The following SOD2 variants were observed in gnomAD, a reference collection of about 807,000 sequenced individuals.
SOD2 encodes superoxide dismutase 2, also known as superoxide dismutase [Mn], mitochondrial.
Under a neutral mutation model 27.0 loss-of-function variants are expected in SOD2, and 11 were observed. That is an observed-to-expected ratio of 0.41 (90% CI 0.26 to 0.67). SOD2 has a LOEUF of 0.67. SOD2 is among the 30% of genes least tolerant of loss of function. The pLI, the probability that SOD2 is intolerant of heterozygous loss-of-function variation, is 0.34. For synonymous variants in SOD2, 105 were observed against 103.0 expected (o/e 1.02, Z -0.12); for missense variants, 250 against 274.5 (o/e 0.91, Z 0.63).
chr6:159,716,665 A>C (rs532864767), intron 1 of SOD2, among the ~76,000 whole-genome samples: 2 of 152,226 alleles, frequency 1.3e-5, no homozygotes, highest in African/African-American at 4.8e-5. Context: ...GGGAGGGGGC[A>C]GTATTGAAAA....
At chr6:159,746,157 T>G (rs919713988), upstream of SOD2, among the ~76,000 whole-genome samples, 3 of 152,212 alleles carry the variant, frequency 2.0e-5, no homozygotes, top group Non-Finnish European at 4.4e-5. Flanking sequence ...ATTTGGCAGT[T>G]AAGAGGTTGT....
At chr6:159,702,483 TG>T (rs1326885924) in intron 1 of SOD2, among the ~76,000 whole-genome samples, 1 of 150,678 alleles carries the variant, frequency 6.6e-6, no homozygotes, top group Non-Finnish European at 1.5e-5. Flanking sequence ...TTTAAGTAGA[TG>T]GGGTTTCACC....
At chr6:159,723,067 C>G (rs1778071377) in intron 1 of SOD2, among the ~76,000 whole-genome samples, 1 of 152,162 alleles carries the variant, frequency 6.6e-6, no homozygotes, top group Non-Finnish European at 1.5e-5. Flanking sequence ...CCTGTGAAAC[C>G]TTTCCTTTTG....
At chr6:159,760,928 C>T (rs1397930085) in intron 1 of SOD2, 1 of 152,308 alleles carries the variant, frequency 6.6e-6, no homozygotes, top group East Asian at 1.9e-4. Context: ...GCAGAGTAGA[C>T]AGCTGATTTC....
chr6:159,755,765 C>CTTTTCTTTTTTTTTTTTTT (rs1779988222), intron 1 of SOD2: 1 of 160,628 alleles, frequency 6.2e-6, no homozygotes, highest in African/African-American at 9.0e-5. Flanking sequence ...TTTTTCTTTT[C>CTTTTCTTTTTTTTTTTTTT]TTTTTTTTTT....
chr6:159,749,882 A>G (rs925129315), upstream of SOD2, among the ~76,000 whole-genome samples: 25 of 152,214 alleles, frequency 1.6e-4, no homozygotes, highest in African/African-American at 5.8e-4. Flanking sequence ...TAAGTCACCA[A>G]TTCAAATTTT....
intron 1 of SOD2, chr6:159,755,071 T>A: frequency 6.2e-7 from 1 of 1,614,026 alleles, no homozygotes; most frequent in South Asian, 1.1e-5. Flanking sequence ...AAGTAGAGGG[T>A]ATGCAGAGTA....
At chr6:159,746,398 C>T (rs1455733314), upstream of SOD2, among the ~76,000 whole-genome samples, 4 of 152,180 alleles carry the variant, frequency 2.6e-5, no homozygotes, top group Non-Finnish European at 4.4e-5. Flanking sequence ...TCCTTTAAAA[C>T]AGAGCTGCTG....
chr6:159,748,741 A>G, upstream of SOD2: 8 of 1,237,076 alleles, frequency 6.5e-6, no homozygotes, highest in Non-Finnish European at 8.1e-6. The surrounding 1 kb of genome is among the most constrained non-coding windows in gnomAD (Gnocchi z 5.6). Flanking sequence ...GTCTTCAGAC[A>G]GTTTGAAGGA....
intron 1 of SOD2, chr6:159,753,272 C>G (rs1227766607): frequency 1.3e-5 from 10 of 785,446 alleles, no homozygotes; most frequent in Non-Finnish European, 2.0e-5. Flanking sequence ...TTTATTTTTA[C>G]TGCTGTGTTG....
At chr6:159,728,265 C>A (rs1056594743), upstream of SOD2, among the ~76,000 whole-genome samples, 1 of 152,046 alleles carries the variant, frequency 6.6e-6, no homozygotes, top group African/African-American at 2.4e-5. Flanking sequence ...GAGACAGTTA[C>A]TAGATTTTTT....
chr6:159,748,075 G>A, upstream of SOD2: 1 of 1,271,806 alleles, frequency 7.9e-7, no homozygotes, highest in Non-Finnish European at 1.1e-6. The surrounding 1 kb of genome is among the most constrained non-coding windows in gnomAD (Gnocchi z 5.6). Flanking sequence ...CAGGATCAAA[G>A]AGGGGAGGAG....
At chr6:159,741,778 G>T in intron 1 of SOD2, 1 of 206,712 alleles carries the variant, frequency 4.8e-6, no homozygotes, top group Non-Finnish European at 9.8e-6. Flanking sequence ...ATTTGAGCTC[G>T]GGAGTTCAAG....
intron 1 of SOD2, among the ~76,000 whole-genome samples, chr6:159,724,959 A>G (rs1175636286): frequency 6.6e-6 from 1 of 152,008 alleles, no homozygotes; most frequent in Non-Finnish European, 1.5e-5. Flanking sequence ...AAAGAAAAAA[A>G]GAAAAGAAAA....
chr6:159,684,949 T>C lies in SOD2; in HGVS notation c.428A>G (p.Gln143Arg). The C allele has an allele frequency of 3.1e-6, 5 of 1,613,872 alleles. No individual in the cohort carries two copies. Among genetic ancestry groups the C allele is most frequent in the Non-Finnish European group, 4.2e-6 (5 of 1,179,898 alleles). The change falls in exon 4 of 5, where the codon CAA (glutamine) becomes CGA (arginine). Residue 143 changes from glutamine to arginine, a missense_variant. Physicochemically the swap from Gln to Arg is conservative, Grantham distance 43. Transcript: ENST00000538183. Reference protein sequence around the residue: ...EKLTAASVGVQGSGWGWLGFN... With the variant: ...EKLTAASVGVRGSGWGWLGFN... ...ACCAAGCCAACCCCAACCTGAGCCTTGGACACCAACAGATGCAGCCGTCAG... is the reference window on the plus strand; with the variant it reads ...ACCAAGCCAACCCCAACCTGAGCCTCGGACACCAACAGATGCAGCCGTCAG...
intron 1 of SOD2, chr6:159,742,054 CGTA>C (rs1562459884): frequency 2.1e-6 from 3 of 1,440,666 alleles, no homozygotes; most frequent in South Asian, 2.4e-5. Flanking sequence ...ACTATTTTAT[CGTA>C]ACAACTAATG....
At chr6:159,709,854 C>T (rs1237660723) in intron 1 of SOD2, among the ~76,000 whole-genome samples, 2 of 151,966 alleles carry the variant, frequency 1.3e-5, no homozygotes. Flanking sequence ...ATAGCAAAGA[C>T]CTGGAGCCAA....
In SOD2 at chr6:159,673,927, T is replaced by A. The variant is rs1779722012; in HGVS notation, c.*8566A>T. The A allele has an allele frequency of 6.6e-6, 1 of 152,058 alleles. No individual in the cohort carries two copies. The highest frequency in any genetic ancestry group is 1.5e-5 in the Non-Finnish European group (1 of 68,016). 9.4% of individuals were successfully genotyped at this position (152,058 alleles called of 1,614,324 possible). ...ATGATAAAGTGGATATCACCACCAA[T>A]CCCACAGAAATACAGAGTACACAGA... On this transcript the variant is annotated 3_prime_UTR_variant, in exon 5 of 5. Coordinates refer to ENST00000538183, the MANE Select transcript of SOD2 (RefSeq NM_000636.4).
intron 2 of SOD2, among the ~76,000 whole-genome samples, chr6:159,690,564 C>T (rs1780411811): frequency 1.3e-5 from 2 of 152,048 alleles, no homozygotes; most frequent in African/African-American, 4.8e-5. Context: ...CACAGCTAAT[C>T]TCAAAGGGTT....
Sources: allele counts gnomAD v4.1 joint callset (sites outside exome capture counted in the v4.1 genomes callset), GRCh38; gene constraint gnomAD v4.1.1; non-coding constraint Gnocchi (gnomAD v3.1); transcripts MANE v1.5; gene names NCBI Gene and HGNC (gene_info 2026-07-23, HGNC 2026-07-21).